The following MTUS2 variants were observed in gnomAD, a reference collection of about 807,000 sequenced individuals.
MTUS2 encodes the protein microtubule associated scaffold protein 2, also known as microtubule-associated tumor suppressor candidate 2.
In MTUS2, 40 loss-of-function variants were observed where a neutral mutation model predicts 114.1. The observed-to-expected ratio is 0.35, with a 90% confidence interval of 0.27 to 0.46. The LOEUF (loss-of-function observed/expected upper bound fraction) is 0.46. Among genes scored for constraint, MTUS2 ranks in the 20% least tolerant of loss-of-function variants. The pLI, the probability that MTUS2 is intolerant of heterozygous loss-of-function variation, is 1.00. For missense variants in MTUS2, 1,679 were observed against 1,705.4 expected (o/e 0.98, Z 0.27); for synonymous variants, 688 against 672.0 (o/e 1.02, Z -0.37).
intron 2 of MTUS2, among the ~76,000 whole-genome samples, chr13:28,914,774 G>T (rs1249134730): frequency 6.6e-6 from 1 of 151,978 alleles, no homozygotes; most frequent in Non-Finnish European, 1.5e-5. Flanking sequence ...TCCTGTATTA[G>T]GTGCAAGCAC....
intron 5 of MTUS2, among the ~76,000 whole-genome samples, chr13:29,122,604 A>G (rs1316518323): frequency 2.0e-5 from 3 of 152,174 alleles, no homozygotes; most frequent in African/African-American, 7.2e-5. Flanking sequence ...ATGAGATTTG[A>G]GTGGGGATAC....
chr13:29,467,337 A>G (rs1052172215), intron 9 of MTUS2, among the ~76,000 whole-genome samples: 1 of 152,244 alleles, frequency 6.6e-6, no homozygotes, highest in African/African-American at 2.4e-5. Context: ...CATTTGAGAT[A>G]AAATTAAAAA....
chr13:28,826,558 A>T (rs145432501), intron 1 of MTUS2, among the ~76,000 whole-genome samples: 1 of 152,204 alleles, frequency 6.6e-6, no homozygotes, highest in East Asian at 1.9e-4. Context: ...CACAGTCATT[A>T]TAGATAAGCC....
rs79910780 is a variant in MTUS2, at chr13:29,450,908, C to T, written c.3184+10859C>T. Among the ~76,000 whole-genome samples the T allele has an allele frequency of 9.5e-3, 1,446 of 152,180 alleles. 18 individuals carry two copies. The highest frequency in any genetic ancestry group is 0.032 in the African/African-American group (1,349 of 41,512). ...AAAAAGACATAACAATACCAAATAC[C>T]TACATACCGAACAATAGAGCTTCAA... On this transcript the variant is annotated intron_variant, in intron 9 of 15. Coordinates refer to ENST00000612955, the MANE Select transcript of MTUS2 (RefSeq NM_001033602.4).
intron 5 of MTUS2, among the ~76,000 whole-genome samples, chr13:29,165,491 T>G (rs1893279613): frequency 6.6e-6 from 1 of 152,226 alleles, no homozygotes; most frequent in Admixed American, 6.5e-5. Flanking sequence ...CAGTTTTGCT[T>G]ATCATGATAT....
intron 2 of MTUS2, among the ~76,000 whole-genome samples, chr13:28,918,919 C>T (rs529053908): frequency 4.4e-4 from 67 of 152,188 alleles, no homozygotes; most frequent in African/African-American, 1.6e-3. Flanking sequence ...CAGCTTAACA[C>T]TGATTGCATA....
intron 5 of MTUS2, among the ~76,000 whole-genome samples, chr13:29,116,667 T>G (rs34703202): frequency 7.1e-4 from 108 of 152,306 alleles, no homozygotes; most frequent in Non-Finnish European, 1.3e-3. Flanking sequence ...CATTCTTAAG[T>G]AACATAAGGG....
chr13:29,022,413 A>T lies in MTUS2; in HGVS notation c.-242-2044A>T, dbSNP rs532397979. 2.6e-5 allele frequency among the ~76,000 whole-genome samples: 4 copies of T among 152,296 alleles called. No individual in the cohort carries two copies. In the South Asian group the frequency reaches 8.3e-4, roughly 32 times the overall value. ...GAGATAGGGTTTTGCTGTGTTGCCA[A>T]GGCTGACCTCAAGTGATCCTCCCAC... is the stretch of plus-strand genomic sequence containing the variant. On this transcript the variant is annotated intron_variant, in intron 2 of 15. Transcript: ENST00000612955.
chr13:29,059,228 ATT>A (rs35369352), intron 4 of MTUS2, among the ~76,000 whole-genome samples: 21 of 97,124 alleles, frequency 2.2e-4, no homozygotes, highest in African/African-American at 5.1e-4. Context: ...TATTCTTTGG[ATT>A]TTTTTTTTTT....
chr13:29,185,350 A>G (rs999204114), intron 5 of MTUS2, among the ~76,000 whole-genome samples: 3 of 152,204 alleles, frequency 2.0e-5, no homozygotes, highest in African/African-American at 7.2e-5. Flanking sequence ...AAAAGAAAGG[A>G]ACAGAAAGAA....
chr13:29,340,197 G>C lies in MTUS2; in HGVS notation c.2905+15486G>C, dbSNP rs531885157. Among the ~76,000 whole-genome samples, 221 of 152,304 alleles carry C rather than the reference G, an allele frequency of 1.5e-3. 1 individual carries two copies. Among genetic ancestry groups the C allele is most frequent in the African/African-American group, 4.8e-3 (201 of 41,580 alleles). On this transcript the variant is annotated intron_variant, in intron 7 of 15. Coordinates refer to ENST00000612955, the MANE Select transcript of MTUS2 (RefSeq NM_001033602.4). Reference sequence around the variant, plus strand: ...GCAGCACCCAGATGATCTGGGGGACGAGGGAAGCTCAAGCCTCCCTCCTTC... The same window carrying C: ...GCAGCACCCAGATGATCTGGGGGACCAGGGAAGCTCAAGCCTCCCTCCTTC...
chr13:29,116,433 A>C (rs143797585), intron 5 of MTUS2, among the ~76,000 whole-genome samples: 1 of 152,128 alleles, frequency 6.6e-6, no homozygotes, highest in South Asian at 2.1e-4. Context: ...ATGTACATCA[A>C]TTCTTCCTTA....
intron 5 of MTUS2, among the ~76,000 whole-genome samples, chr13:29,199,827 C>T (rs1270986462): frequency 6.6e-6 from 1 of 151,972 alleles, no homozygotes; most frequent in Non-Finnish European, 1.5e-5. Context: ...TGTCCTGGGC[C>T]TTTTATCTTT....
At chr13:28,929,440 A>G (rs1881495896) in intron 2 of MTUS2, among the ~76,000 whole-genome samples, 1 of 152,234 alleles carries the variant, frequency 6.6e-6, no homozygotes, top group South Asian at 2.1e-4. Flanking sequence ...AAATATGTAC[A>G]TCTATTATGT....
intron 5 of MTUS2, among the ~76,000 whole-genome samples, chr13:29,244,400 A>G (rs1285023758): frequency 6.6e-6 from 1 of 152,212 alleles, no homozygotes; most frequent in Non-Finnish European, 1.5e-5. Flanking sequence ...CTGATGGAAC[A>G]GTACAAGAGT....
intron 2 of MTUS2, among the ~76,000 whole-genome samples, chr13:28,875,765 TG>T (rs1189070074): frequency 2.0e-5 from 3 of 152,210 alleles, no homozygotes; most frequent in Non-Finnish European, 4.4e-5. Flanking sequence ...TTCTATTTAT[TG>T]ATGTTAAGGA....
intron 5 of MTUS2, among the ~76,000 whole-genome samples, chr13:29,272,217 G>C (rs977031988): frequency 3.9e-5 from 6 of 152,088 alleles, no homozygotes; most frequent in African/African-American, 1.4e-4. Flanking sequence ...TTATCACCAA[G>C]TGATAAATGC....
At chr13:29,109,062 A>G (rs1435833848) in intron 5 of MTUS2, among the ~76,000 whole-genome samples, 1 of 152,072 alleles carries the variant, frequency 6.6e-6, no homozygotes, top group Non-Finnish European at 1.5e-5. Flanking sequence ...TTAAAACCCC[A>G]CCTTCTCTCT....
At chr13:28,886,521 G>T (rs908765710) in intron 2 of MTUS2, among the ~76,000 whole-genome samples, 3 of 152,164 alleles carry the variant, frequency 2.0e-5, no homozygotes, top group African/African-American at 7.2e-5. Flanking sequence ...AAGTTGTTTG[G>T]TCTAAGTAGG....
Sources: allele counts gnomAD v4.1 joint callset (sites outside exome capture counted in the v4.1 genomes callset), GRCh38; gene constraint gnomAD v4.1.1; transcripts MANE v1.5; gene names NCBI Gene and HGNC (gene_info 2026-07-23, HGNC 2026-07-21).